Variants in RAD51B observed in about 807,000 individuals in gnomAD.
RAD51B encodes RAD51 paralog B.
In RAD51B, 38 loss-of-function variants were observed where a neutral mutation model predicts 42.2. That is an observed-to-expected ratio of 0.90 (90% confidence interval 0.70 to 1.18). The LOEUF (loss-of-function observed/expected upper bound fraction) is 1.18. Among genes scored for constraint, RAD51B ranks in the 50% most tolerant of loss-of-function variants. The pLI, the probability that RAD51B is intolerant of heterozygous loss-of-function variation, is 0.00. For synonymous variants in RAD51B, 154 were observed against 145.2 expected (o/e 1.06, Z -0.43); for missense variants, 373 against 400.7 (o/e 0.93, Z 0.59).
intron 8 of RAD51B, among the ~76,000 whole-genome samples, chr14:68,406,287 T>C (rs2084272053): frequency 6.6e-6 from 1 of 152,206 alleles, no homozygotes; most frequent in Non-Finnish European, 1.5e-5. Context: ...TCATAGAATG[T>C]ATTTACACAA....
chr14:68,621,455 C>A (rs1296338591), intron 10 of RAD51B, among the ~76,000 whole-genome samples: 1 of 152,182 alleles, frequency 6.6e-6, no homozygotes, highest in African/African-American at 2.4e-5. Flanking sequence ...TGCTTTAGGC[C>A]TACCCAAGCC....
intron 7 of RAD51B, among the ~76,000 whole-genome samples, chr14:68,284,142 C>G (rs552248661): frequency 6.6e-6 from 1 of 152,278 alleles, no homozygotes; most frequent in Admixed American, 6.5e-5. Context: ...ACAGTGAAAT[C>G]TACAGAAGAC....
intron 8 of RAD51B, chr14:68,339,336 C>T (rs919020377): frequency 2.3e-5 from 24 of 1,029,500 alleles, no homozygotes; most frequent in Non-Finnish European, 3.4e-5. Flanking sequence ...GGCTCTCTGC[C>T]GCTGCAACCT....
intron 8 of RAD51B, among the ~76,000 whole-genome samples, chr14:68,403,187 C>G (rs1376045877): frequency 3.3e-5 from 5 of 152,150 alleles, no homozygotes; most frequent in African/African-American, 9.7e-5. Context: ...TCTTTCTACT[C>G]TAAATAAATG....
chr14:68,386,639 C>T, intron 8 of RAD51B, among the ~76,000 whole-genome samples: 1 of 152,152 alleles, frequency 6.6e-6, no homozygotes, highest in Non-Finnish European at 1.5e-5. Flanking sequence ...CTGAGTGGCC[C>T]TTCCTCTGTC....
intron 4 of RAD51B, among the ~76,000 whole-genome samples, chr14:67,851,413 C>G (rs970542106): frequency 7.2e-5 from 11 of 152,012 alleles, no homozygotes; most frequent in African/African-American, 2.7e-4. Context: ...AGGTTTTCGA[C>G]AGGGCTTTGG....
intron 7 of RAD51B, among the ~76,000 whole-genome samples, chr14:68,179,547 A>T (rs1348751701): frequency 1.3e-5 from 2 of 152,130 alleles, no homozygotes; most frequent in African/African-American, 4.8e-5. Context: ...GTACTCCGTA[A>T]ATGTTTGGAA....
At chr14:68,179,852 G>C (rs1342081979) in intron 7 of RAD51B, among the ~76,000 whole-genome samples, 1 of 152,122 alleles carries the variant, frequency 6.6e-6, no homozygotes, top group African/African-American at 2.4e-5. Flanking sequence ...CATAGGAGTG[G>C]TATGCCTTAC....
chr14:67,945,663 G>A (rs1273447295), intron 7 of RAD51B, among the ~76,000 whole-genome samples: 1 of 151,848 alleles, frequency 6.6e-6, no homozygotes, highest in Non-Finnish European at 1.5e-5. Context: ...TAGAGATGGG[G>A]TTTCGTCATG....
At chr14:68,196,543 T>G (rs2079377602) in intron 7 of RAD51B, among the ~76,000 whole-genome samples, 1 of 152,160 alleles carries the variant, frequency 6.6e-6, no homozygotes, top group Non-Finnish European at 1.5e-5. Context: ...TGCCAATTGC[T>G]ATTATTCTAT....
chr14:68,609,484 C>T (rs905782538), intron 10 of RAD51B, among the ~76,000 whole-genome samples: 7 of 152,170 alleles, frequency 4.6e-5, no homozygotes, highest in African/African-American at 1.4e-4. Flanking sequence ...TTCCTTCCCT[C>T]GAGAGCAGAG....
intron 7 of RAD51B, among the ~76,000 whole-genome samples, chr14:67,892,444 A>C (rs930844672): frequency 6.6e-6 from 1 of 152,212 alleles, no homozygotes; most frequent in African/African-American, 2.4e-5. Context: ...CACTGTTACA[A>C]TGAATGGTTT....
At chr14:67,937,260 T>C (rs1361332519) in intron 7 of RAD51B, among the ~76,000 whole-genome samples, 1 of 152,204 alleles carries the variant, frequency 6.6e-6, no homozygotes, top group Non-Finnish European at 1.5e-5. Context: ...CATAATGTCC[T>C]ACAGCACATG....
In RAD51B at chr14:67,965,872, C is replaced by A. The variant is rs2074765860; in HGVS notation, c.756+78668C>A. Among the ~76,000 whole-genome samples, 2 of 152,024 alleles carry A rather than the reference C, an allele frequency of 1.3e-5. 1 individual carries two copies. Among genetic ancestry groups the A allele is most frequent in the East Asian group, 3.9e-4 (2 of 5,184 alleles). ...AAAAGAAATAAACCACGTGCATAGA[C>A]CAAGCAGTAGGGCCACCGTTAGAGC... On this transcript the variant is annotated intron_variant, in intron 7 of 10. Coordinates refer to ENST00000471583, the MANE Select transcript of RAD51B (RefSeq NM_133510.4).
intron 10 of RAD51B, chr14:68,541,839 G>C (rs577285360): frequency 1.0e-6 from 1 of 983,688 alleles, no homozygotes; most frequent in South Asian, 4.7e-5. Context: ...GGCAGCCTGT[G>C]AGATCTTTCT....
intron 7 of RAD51B, among the ~76,000 whole-genome samples, chr14:67,971,739 G>C (rs1424295483): frequency 1.3e-5 from 2 of 151,928 alleles, no homozygotes; most frequent in African/African-American, 4.8e-5. Context: ...CCCTCAGGGG[G>C]AATAGTTGGA....
At chr14:68,386,515 T>C (rs1348936983) in intron 8 of RAD51B, among the ~76,000 whole-genome samples, 1 of 152,224 alleles carries the variant, frequency 6.6e-6, no homozygotes, top group Non-Finnish European at 1.5e-5. Flanking sequence ...ATTCTGCATA[T>C]GCCCTCCCAC....
At chr14:68,435,539 T>C (rs963322603) in intron 9 of RAD51B, among the ~76,000 whole-genome samples, 2 of 151,160 alleles carry the variant, frequency 1.3e-5, no homozygotes, top group African/African-American at 4.9e-5. Context: ...CCTTTGGGTA[T>C]ATACCCAGCA....
chr14:67,978,641 G>A (rs2075037218), intron 7 of RAD51B, among the ~76,000 whole-genome samples: 1 of 152,206 alleles, frequency 6.6e-6, no homozygotes, highest in Non-Finnish European at 1.5e-5. Context: ...AAGTCTGAGT[G>A]TAGCCCTTAA....
Sources: gnomAD v4.1 joint callset for allele counts (sites outside exome capture counted in the v4.1 genomes callset) on GRCh38, gnomAD v4.1.1 for gene constraint, MANE v1.5 for transcripts, NCBI Gene and HGNC (gene_info 2026-07-23, HGNC 2026-07-21) for gene names.